RIMS2: variants seen among roughly 807,000 people sequenced by gnomAD.
The protein encoded by RIMS2 is regulating synaptic membrane exocytosis protein 2.
In RIMS2, 59 loss-of-function variants were observed where a neutral mutation model predicts 174.4. That is an observed-to-expected ratio of 0.34 (90% confidence interval 0.27 to 0.42). RIMS2 has a LOEUF of 0.42. RIMS2 is among the 10% of genes least tolerant of loss of function. The pLI is 1.00. For missense variants in RIMS2, 1,620 were observed against 1,666.3 expected (o/e 0.97, Z 0.48); for synonymous variants, 606 against 572.5 (o/e 1.06, Z -0.84).
At chr8:104,073,488 G>A (rs1297526293) in intron 19 of RIMS2, among the ~76,000 whole-genome samples, 1 of 152,034 alleles carries the variant, frequency 6.6e-6, no homozygotes, top group Non-Finnish European at 1.5e-5. Context: ...GTATGTTGTG[G>A]CAATACTTCT....
intron 19 of RIMS2, among the ~76,000 whole-genome samples, chr8:104,050,015 G>C (rs139465039): frequency 6.6e-6 from 1 of 152,114 alleles, no homozygotes; most frequent in South Asian, 2.1e-4. Flanking sequence ...TATTAAGATA[G>C]GAATAACATT....
chr8:103,776,600 A>G (rs1195139693), intron 3 of RIMS2, among the ~76,000 whole-genome samples: 1 of 152,148 alleles, frequency 6.6e-6, no homozygotes, highest in Non-Finnish European at 1.5e-5. Context: ...ATATTTCAGC[A>G]GCAAGATGCT....
At chr8:103,800,258 G>C (rs1449447591) in intron 3 of RIMS2, among the ~76,000 whole-genome samples, 4 of 151,788 alleles carry the variant, frequency 2.6e-5, no homozygotes, top group Non-Finnish European at 5.9e-5. Context: ...TTTTTACATA[G>C]ATGATTGCAT....
intron 19 of RIMS2, among the ~76,000 whole-genome samples, chr8:104,233,109 A>G (rs2099240116): frequency 6.6e-6 from 1 of 152,176 alleles, no homozygotes; most frequent in African/African-American, 2.4e-5. Context: ...GAAGAAATCT[A>G]AGGTAAAGAA....
intron 16 of RIMS2, among the ~76,000 whole-genome samples, chr8:103,986,985 C>T (rs1039237857): frequency 1.3e-5 from 2 of 151,792 alleles, no homozygotes; most frequent in Non-Finnish European, 2.9e-5. Flanking sequence ...AAGAGAATTC[C>T]AGACTAAAAA....
At chr8:104,159,874 CATG>C (rs1448465923) in intron 19 of RIMS2, among the ~76,000 whole-genome samples, 10 of 152,118 alleles carry the variant, frequency 6.6e-5, no homozygotes, top group African/African-American at 2.4e-4. Context: ...CACGGTGGCT[CATG>C]CCTGGAATCC....
intron 1 of RIMS2, among the ~76,000 whole-genome samples, chr8:103,645,997 G>A (rs1380429622): frequency 2.0e-5 from 3 of 152,032 alleles, no homozygotes; most frequent in Non-Finnish European, 4.4e-5. Context: ...TAAGATTTGG[G>A]TAGGTAAAGG....
At chr8:104,108,405 CCT>C (rs1173813400) in intron 19 of RIMS2, among the ~76,000 whole-genome samples, 1 of 152,120 alleles carries the variant, frequency 6.6e-6, no homozygotes, top group East Asian at 1.9e-4. Flanking sequence ...GATCTTCCTG[CCT>C]CAGCCTCCCA....
At chr8:103,740,587 C>T (rs1214170039) in intron 2 of RIMS2, among the ~76,000 whole-genome samples, 1 of 152,154 alleles carries the variant, frequency 6.6e-6, no homozygotes, top group South Asian at 2.1e-4. Flanking sequence ...TGACATTGAT[C>T]TTGAAATATG....
intron 1 of RIMS2, among the ~76,000 whole-genome samples, chr8:103,563,027 A>C (rs529166546): frequency 1.3e-5 from 2 of 152,160 alleles, no homozygotes; most frequent in Non-Finnish European, 2.9e-5. Context: ...AGGGGGACCA[A>C]GGGCCTGGCC....
rs59348302 is a variant in RIMS2 at position 103,734,014 on chromosome 8, C to CTTTTTTTTTTTTTTTTTTTTTT, written c.388-32209_388-32188dup. ...CTTGCTTTACCTCTCCTAAAAGCTTCTTTTTTTTTTTTTTTTTTTTTTTTT... is the reference window on the plus strand; with the variant it reads ...CTTGCTTTACCTCTCCTAAAAGCTTCTTTTTTTTTTTTTTTTTTTTTTTTTTTTTTTTTTTTTTTTTTTTTTT... On this transcript the variant is annotated intron_variant, in intron 2 of 23. Coordinates refer to ENST00000504942, the Ensembl canonical transcript of RIMS2. 3.5e-5 allele frequency among the ~76,000 whole-genome samples: 3 copies of CTTTTTTTTTTTTTTTTTTTTTT among 85,736 alleles called. 1 individual carries two copies. Among genetic ancestry groups the CTTTTTTTTTTTTTTTTTTTTTT allele is most frequent in the African/African-American group, 1.6e-4 (3 of 18,586 alleles). 56.2% of individuals were successfully genotyped at this position (85,736 alleles called of 152,430 possible). A position where few individuals can be genotyped will look rare whatever the true frequency, so the allele number is the denominator to read the frequency against.
chr8:103,815,349 C>T (rs927372893), intron 3 of RIMS2, among the ~76,000 whole-genome samples: 7 of 152,042 alleles, frequency 4.6e-5, no homozygotes, highest in Admixed American at 2.0e-4. Context: ...CTTTTGATTA[C>T]TTTTAGATTG....
chr8:104,215,372 A>G (rs1463611896), intron 19 of RIMS2, among the ~76,000 whole-genome samples: 1 of 152,244 alleles, frequency 6.6e-6, no homozygotes, highest in East Asian at 1.9e-4. Context: ...TTATTTTTCC[A>G]TTCATACCTA....
chr8:103,512,428 T>C (rs910812088), intron 1 of RIMS2, among the ~76,000 whole-genome samples: 1 of 152,200 alleles, frequency 6.6e-6, no homozygotes, highest in African/African-American at 2.4e-5. Flanking sequence ...TATGTTTCTC[T>C]GGATCTCTTT....
chr8:103,546,377 T>C (rs1329550569), intron 1 of RIMS2, among the ~76,000 whole-genome samples: 1 of 152,162 alleles, frequency 6.6e-6, no homozygotes, highest in Non-Finnish European at 1.5e-5. Context: ...CCCAGACTCA[T>C]AAAGCACATT....
At chr8:103,935,329 C>A (rs912848647) in intron 12 of RIMS2, among the ~76,000 whole-genome samples, 2 of 152,068 alleles carry the variant, frequency 1.3e-5, no homozygotes, top group African/African-American at 4.8e-5. Flanking sequence ...TTATCTTTTC[C>A]ATGTGTATTA....
intron 19 of RIMS2, among the ~76,000 whole-genome samples, chr8:104,179,668 T>A (rs1345362341): frequency 6.6e-6 from 1 of 151,900 alleles, no homozygotes; most frequent in African/African-American, 2.4e-5. Context: ...TATTTTCAAA[T>A]TGTAAATCTC....
At chr8:104,232,704 C>CT (rs1379589469) in intron 19 of RIMS2, among the ~76,000 whole-genome samples, 16 of 152,324 alleles carry the variant, frequency 1.1e-4, no homozygotes, top group African/African-American at 3.1e-4. Flanking sequence ...ATTCTGGCCA[C>CT]TACCCTCATT....
chr8:104,246,999 G>GGGGGCAA (rs61213786), intron 20 of RIMS2, among the ~76,000 whole-genome samples: 112,271 of 151,118 alleles, frequency 0.74, 42,701 homozygotes, highest in African/African-American at 0.91. Context: ...TGAGTGCTGA[G>GGGGGCAA]GGGGCAAGGG....
Sources: gnomAD v4.1 joint callset for allele counts (sites outside exome capture counted in the v4.1 genomes callset) on GRCh38, gnomAD v4.1.1 for gene constraint, MANE v1.5 for transcripts, NCBI Gene and HGNC (gene_info 2026-07-23, HGNC 2026-07-21) for gene names.